Variants in LOXL1 observed in about 807,000 individuals in gnomAD.
The protein encoded by LOXL1 is lysyl oxidase like 1.
A neutral mutation model predicts 62.2 loss-of-function variants in LOXL1; 31 were observed. That is an observed-to-expected ratio of 0.50 (90% CI 0.37 to 0.67). LOXL1 has a LOEUF of 0.67. Among genes scored for constraint, LOXL1 ranks in the 30% least tolerant of loss-of-function variants. LOXL1 has a pLI of 0.00. For synonymous variants in LOXL1, 403 were observed against 384.4 expected (o/e 1.05, Z -0.56); for missense variants, 775 against 843.4 (o/e 0.92, Z 1.00).
chr15:73,927,586 A>G lies in LOXL1; in HGVS notation c.803A>G (p.Asp268Gly). The change falls in exon 1 of 7, where the codon GAC (aspartate) becomes GGC (glycine). Residue 268 changes from aspartate (D) to glycine (G), a missense_variant. By Grantham distance (94) the Asp-to-Gly change is moderately conservative. Transcript: ENST00000261921. Reference sequence around the variant, plus strand: ...GTGCCGCCGCCGCCGCCGCCCCCCGACGGCCTGGACCGCCGCTACTCGCAC... The same window carrying G: ...GTGCCGCCGCCGCCGCCGCCCCCCGGCGGCCTGGACCGCCGCTACTCGCAC... Reference protein sequence around the residue: ...PYVPPPPPPPDGLDRRYSHSL... With the variant: ...PYVPPPPPPPGGLDRRYSHSL... 1 of 1,500,728 alleles carries G rather than the reference A, an allele frequency of 6.7e-7. No individual in the cohort carries two copies. Among genetic ancestry groups the G allele is most frequent in the Non-Finnish European group, 8.8e-7 (1 of 1,131,888 alleles). 93.0% of individuals were successfully genotyped at this position (1,500,728 alleles called of 1,614,324 possible). A position where few individuals can be genotyped will look rare whatever the true frequency, so the allele number is the denominator to read the frequency against.
chr15:73,947,001 G>T, intron 3 of LOXL1, 66 bp from the exon 4 acceptor site: 1 of 1,466,176 alleles, frequency 6.8e-7, no homozygotes, highest in East Asian at 2.4e-5. Context: ...TCTCAGGATG[G>T]GGACAGGATG....
chr15:73,949,215 G>A (rs527636320), intron 5 of LOXL1, among the ~76,000 whole-genome samples: 34 of 152,232 alleles, frequency 2.2e-4, no homozygotes, highest in Non-Finnish European at 4.7e-4. Context: ...GGGCCCACCT[G>A]GCATAGGCTC....
At chr15:73,949,410 C>A in intron 5 of LOXL1, 49 bp from the exon 6 acceptor site, 2 of 1,093,342 alleles carry the variant, frequency 1.8e-6, no homozygotes, top group Non-Finnish European at 2.8e-6. Flanking sequence ...AGTTGAGGTG[C>A]AGCCCCCCTG....
At chr15:73,933,328 G>A (rs891212812) in intron 1 of LOXL1, among the ~76,000 whole-genome samples, 11 of 152,162 alleles carry the variant, frequency 7.2e-5, no homozygotes, top group African/African-American at 2.7e-4. Context: ...GTGGGCCCTG[G>A]CCTCACTCTG....
At chr15:73,927,943 T>C (rs1301510749) in intron 1 of LOXL1, 58 bp downstream of exon 1, 1 of 1,272,050 alleles carries the variant, frequency 7.9e-7, no homozygotes, top group East Asian at 3.2e-5. Flanking sequence ...TGGAAACTGC[T>C]CCGGGCCCCC....
chr15:73,943,171 A>G (rs2068726755), intron 2 of LOXL1, among the ~76,000 whole-genome samples: 2 of 152,100 alleles, frequency 1.3e-5, no homozygotes, highest in Admixed American at 6.5e-5. Context: ...GGGGCCCAGC[A>G]TTTCTGTATA....
chr15:73,949,967 G>A (rs749269551), intron 6 of LOXL1, among the ~76,000 whole-genome samples: 1 of 152,198 alleles, frequency 6.6e-6, no homozygotes, highest in Non-Finnish European at 1.5e-5. Flanking sequence ...GGCTGGCAAT[G>A]AGGATCTACA....
chr15:73,934,987 G>T (rs1248354667), intron 1 of LOXL1, among the ~76,000 whole-genome samples: 1 of 152,230 alleles, frequency 6.6e-6, no homozygotes, highest in Non-Finnish European at 1.5e-5. Flanking sequence ...GGGTTTTCAG[G>T]TGTGCTCCAG....
chr15:73,939,934 G>C (rs960687163), intron 1 of LOXL1, among the ~76,000 whole-genome samples: 1 of 152,088 alleles, frequency 6.6e-6, no homozygotes, highest in Admixed American at 6.5e-5. Context: ...TGTCTTGGGG[G>C]CAGGACATGG....
intron 1 of LOXL1, among the ~76,000 whole-genome samples, chr15:73,935,025 T>C (rs2068660961): frequency 6.6e-6 from 1 of 152,028 alleles, no homozygotes. Flanking sequence ...AGAGTGGAAA[T>C]GGAGGTATAA....
chr15:73,947,413 C>A, intron 4 of LOXL1, 190 bp downstream of exon 4: 1 of 560,828 alleles, frequency 1.8e-6, no homozygotes, highest in Non-Finnish European at 3.1e-6. Flanking sequence ...TGCCCCAGCC[C>A]CTTTCCCATG....
At position 73,926,823 on chromosome 15, in the gene LOXL1, G is replaced by C; in HGVS notation, c.40G>C (p.Val14Leu). ...ARGSRQLGAL[V>L]WGACLCVLVH... The stretch of plus-strand genomic sequence containing the variant: ...AGGCAGCCGGCAGCTGGGGGCCCTG[G>C]TGTGGGGCGCCTGCCTGTGCGTGCT... The change falls in exon 1 of 7, where the codon GTG becomes CTG. Residue 14 changes from valine (V) to leucine (L), a missense_variant. Physicochemically the swap from Val to Leu is conservative, Grantham distance 32. Coordinates refer to ENST00000261921, the MANE Select transcript of LOXL1 (RefSeq NM_005576.4). 6.6e-7 allele frequency: 1 copy of C among 1,520,570 alleles called. No homozygotes were observed. Among genetic ancestry groups the C allele is most frequent in the Non-Finnish European group, 8.8e-7 (1 of 1,132,562 alleles). 94.2% of individuals were successfully genotyped at this position (1,520,570 alleles called of 1,614,324 possible).
chr15:73,926,855 C>T lies in LOXL1; in HGVS notation c.72C>T (p.His24=). The change falls in exon 1 of 7, where the codon CAC becomes CAT. Residue 24 remains histidine (H), a synonymous_variant. Coordinates refer to ENST00000261921, the MANE Select transcript of LOXL1 (RefSeq NM_005576.4). ...GCGCCTGCCTGTGCGTGCTGGTGCA[C>T]GGGCAGCAGGCGCAGCCCGGGCAGG... ...VWGACLCVLV[H]GQQAQPGQGS... is the part of the protein sequence containing the mutation. 2 of 1,544,774 alleles carry T rather than the reference C, an allele frequency of 1.3e-6. No homozygotes were observed. Among genetic ancestry groups the T allele is most frequent in the East Asian group, 2.5e-5 (1 of 40,790 alleles).
chr15:73,928,183 T>C (rs561959107), intron 1 of LOXL1: 4 of 349,718 alleles, frequency 1.1e-5, no homozygotes, highest in Non-Finnish European at 2.0e-5. Flanking sequence ...GCTCGCCTTC[T>C]GCACTTGGCT....
In LOXL1 at chr15:73,936,017, AC is replaced by A. The variant is rs1276680838; in HGVS notation, c.1103-6835del. On this transcript the variant is annotated intron_variant, in intron 1 of 6. Transcript: ENST00000261921. ...TAGCTGGGAATTCCAGGACAAGGGC[AC>A]CATGGAGTCAGGGGGTAAAAAAGGT... 4.4e-5 allele frequency among the ~76,000 whole-genome samples: 6 copies of A among 137,466 alleles called. No homozygotes were observed. The East Asian group carries it at 1.6e-3, about 37-fold the overall frequency. The allele number at this position is 137,466 out of a possible 152,430, so 90.2% of individuals were successfully genotyped here.
Position 73,938,275 on chromosome 15 carries a change from G to GTATCTATCATC in LOXL1, c.1103-4571_1103-4570insATCTATCTATC, listed in dbSNP as rs1555433293. Among the ~76,000 whole-genome samples, 241 of 140,722 alleles carry GTATCTATCATC rather than the reference G, an allele frequency of 1.7e-3. 1 individual carries two copies. Among genetic ancestry groups the GTATCTATCATC allele is most frequent in the African/African-American group, 6.3e-3 (234 of 37,180 alleles). 92.3% of individuals were successfully genotyped at this position (140,722 alleles called of 152,430 possible). A position where few individuals can be genotyped will look rare whatever the true frequency, so the allele number is the denominator to read the frequency against. ...AGCCTGGGCAACAGAGCTAGACTCC[G>GTATCTATCATC]TATCTATCTATCTATCTATCTATCT... On this transcript the variant is annotated intron_variant, in intron 1 of 6. Transcript: ENST00000261921.
chr15:73,951,681 G>T, intron 6 of LOXL1, 150 bp from the exon 7 acceptor site: 1 of 572,348 alleles, frequency 1.7e-6, no homozygotes, highest in Non-Finnish European at 2.7e-6. Context: ...GAGCTGGGCT[G>T]AGGGGGTCGG....
intron 1 of LOXL1, among the ~76,000 whole-genome samples, chr15:73,940,578 G>T (rs1411987270): frequency 6.6e-6 from 1 of 152,136 alleles, no homozygotes; most frequent in Non-Finnish European, 1.5e-5. Context: ...TCAGGGCTCG[G>T]TGTGTGACCA....
Position 73,952,000 on chromosome 15 carries a change from G to A in LOXL1, c.*163G>A, listed in dbSNP as rs754442609. The stretch of plus-strand genomic sequence containing the variant: ...CGTGGATGAAAACCACAGGGATTCC[G>A]GACGCCAGACCCCATTTTATACTTC... On this transcript the variant is annotated 3_prime_UTR_variant, in exon 7 of 7. Coordinates refer to ENST00000261921, the MANE Select transcript of LOXL1 (RefSeq NM_005576.4). 3.0e-5 allele frequency: 14 copies of A among 465,466 alleles called. No homozygotes were observed. The highest frequency in any genetic ancestry group is 2.2e-4 in the South Asian group (4 of 18,536). The allele number at this position is 465,466 out of a possible 1,614,324, so 28.8% of individuals were successfully genotyped here.
Sources: gnomAD v4.1 joint callset for allele counts (sites outside exome capture counted in the v4.1 genomes callset) on GRCh38, gnomAD v4.1.1 for gene constraint, MANE v1.5 for transcripts, NCBI Gene and HGNC (gene_info 2026-07-23, HGNC 2026-07-21) for gene names.